Variants in DNAH14 observed in about 807,000 individuals in gnomAD.
DNAH14 encodes the protein axonemal beta dynein heavy chain 14.
In DNAH14, 478 loss-of-function variants were observed where a neutral mutation model predicts 520.9. The observed-to-expected ratio is 0.92, with a 90% CI of 0.85 to 0.99. The LOEUF is 0.99. DNAH14 is among the 50% of genes least tolerant of loss of function. The pLI, the probability that DNAH14 is intolerant of heterozygous loss-of-function variation, is 0.00. For missense variants in DNAH14, 4,831 were observed against 5,234.5 expected (o/e 0.92, Z 2.38); for synonymous variants, 1,581 against 1,757.2 (o/e 0.90, Z 2.51).
chr1:225,065,195 C>T (rs1023960984), intron 17 of DNAH14, among the ~76,000 whole-genome samples: 1 of 151,746 alleles, frequency 6.6e-6, no homozygotes, highest in Non-Finnish European at 1.5e-5. Context: ...AGGACATCTT[C>T]CAGGGTTTTT....
At chr1:225,292,531 G>C (rs2093916170) in intron 55 of DNAH14, among the ~76,000 whole-genome samples, 1 of 152,106 alleles carries the variant, frequency 6.6e-6, no homozygotes, top group African/African-American at 2.4e-5. Context: ...GTCTGGTAGT[G>C]TGATGCCTCC....
rs78737607 is a variant in DNAH14, at chr1:225,274,683, G to A, written c.8011-1231G>A. 1.7e-3 allele frequency among the ~76,000 whole-genome samples: 266 copies of A among 152,282 alleles called. 7 individuals carry two copies. The East Asian group carries it at 0.048, about 27-fold the overall frequency. The stretch of plus-strand genomic sequence containing the variant: ...ACCAGACTAAGAAATAGATATAGAG[G>A]CAGTAGAAAATGAGCAAGCAAATAC... On this transcript the variant is annotated intron_variant, in intron 52 of 85. Transcript: ENST00000682510.
At position 225,023,830 on chromosome 1, in the gene DNAH14, AT is replaced by A; in HGVS notation, c.1327del (p.Ser443GlnfsTer46). 1 of 1,535,436 alleles carries A rather than the reference AT, an allele frequency of 6.5e-7. No individual in the cohort carries two copies. ...ELFNGSAGMP[F>X]SVEKKNENLI... ...TATTTAATGGTTCTGCTGGAATGCC[AT>A]TTTCAGTGGAAAAAAAGAATGAAAA... On this transcript the variant is annotated frameshift_variant, in exon 11 of 86. Transcript: ENST00000682510. LOFTEE classifies it high-confidence loss of function.
intron 72 of DNAH14, among the ~76,000 whole-genome samples, chr1:225,353,088 G>A (rs2095389451): frequency 6.6e-6 from 1 of 151,720 alleles, no homozygotes; most frequent in Non-Finnish European, 1.5e-5. Flanking sequence ...CTTTTTTTAA[G>A]ATCAACACAT....
At chr1:225,359,792 C>T (rs1036897832) in intron 74 of DNAH14, among the ~76,000 whole-genome samples, 1 of 152,200 alleles carries the variant, frequency 6.6e-6, no homozygotes, top group Non-Finnish European at 1.5e-5. Flanking sequence ...AGGCACACAT[C>T]CTCCCTTTAA....
At chr1:225,212,929 A>C (rs1429477276) in intron 41 of DNAH14, among the ~76,000 whole-genome samples, 3 of 152,006 alleles carry the variant, frequency 2.0e-5, no homozygotes, top group Non-Finnish European at 4.4e-5. Flanking sequence ...CCCATTTGTC[A>C]ATTTTGGCTT....
At chr1:225,240,899 T>TGGGCGACAGAGCGAGACTCCGTCTCAA in intron 43 of DNAH14, 77 bp downstream of exon 43, 1 of 1,045,468 alleles carries the variant, frequency 9.6e-7, no homozygotes. Flanking sequence ...TTATAATGAT[T>TGGGCGACAGAGCGAGACTCCGTCTCAA]AGGTTCATCT....
At chr1:225,146,830 C>T (rs1039602038) in intron 30 of DNAH14, among the ~76,000 whole-genome samples, 5 of 152,194 alleles carry the variant, frequency 3.3e-5, no homozygotes, top group South Asian at 2.1e-4. Flanking sequence ...CTGTGCAATC[C>T]GTCAGAAGCT....
intron 21 of DNAH14, among the ~76,000 whole-genome samples, chr1:225,088,312 T>C (rs2074018943): frequency 6.6e-6 from 1 of 152,000 alleles, no homozygotes; most frequent in Non-Finnish European, 1.5e-5. Flanking sequence ...AAAAGTTAAG[T>C]AGAGAGGTAA....
rs576120956 is a variant in DNAH14 at position 225,278,011 on chromosome 1, T to A, written c.8271+509T>A. On this transcript the variant is annotated intron_variant, in intron 54 of 85. Coordinates refer to ENST00000682510, the MANE Select transcript of DNAH14 (RefSeq NM_001367479.1). ...TATTATTTATGACTAGTTGTTTATT[T>A]TATACTTTATTTATAACTGTTTGGT... Among the ~76,000 whole-genome samples, 5 of 152,232 alleles carry A rather than the reference T, an allele frequency of 3.3e-5. No individual in the cohort carries two copies. The South Asian group carries it at 8.3e-4, about 25-fold the overall frequency.
chr1:225,292,155 T>C, intron 55 of DNAH14, among the ~76,000 whole-genome samples: 1 of 152,324 alleles, frequency 6.6e-6, no homozygotes, highest in Non-Finnish European at 1.5e-5. Context: ...TTTTGAGGTC[T>C]TATTTATAAA....
At chr1:225,260,614 T>TC (rs2092902926) in intron 46 of DNAH14, among the ~76,000 whole-genome samples, 9 of 152,044 alleles carry the variant, frequency 5.9e-5, no homozygotes, top group Admixed American at 3.3e-4. Flanking sequence ...GCTTTTTTTT[T>TC]TCCCCCCCTC....
intron 44 of DNAH14, among the ~76,000 whole-genome samples, chr1:225,255,182 G>A (rs2092692980): frequency 6.6e-6 from 1 of 152,132 alleles, no homozygotes. Flanking sequence ...AGAGTTGTGT[G>A]TTTTATTTTG....
At chr1:225,218,620 A>C (rs1364646932) in intron 41 of DNAH14, among the ~76,000 whole-genome samples, 2 of 152,234 alleles carry the variant, frequency 1.3e-5, no homozygotes, top group Non-Finnish European at 2.9e-5. Flanking sequence ...AACAATCCTA[A>C]ATATGTATGC....
intron 5 of DNAH14, among the ~76,000 whole-genome samples, chr1:224,965,672 A>C (rs1156634938): frequency 6.6e-6 from 1 of 152,162 alleles, no homozygotes; most frequent in South Asian, 2.1e-4. Flanking sequence ...TAATCAAATC[A>C]GATTCACCTG....
At chr1:225,262,297 G>C (rs929030415) in intron 46 of DNAH14, among the ~76,000 whole-genome samples, 2 of 151,856 alleles carry the variant, frequency 1.3e-5, no homozygotes, top group African/African-American at 4.8e-5. Context: ...TAGGTTGTCT[G>C]TGTACTCTGT....
chr1:225,345,125 C>T (rs2095266920), intron 69 of DNAH14, among the ~76,000 whole-genome samples: 1 of 152,084 alleles, frequency 6.6e-6, no homozygotes, highest in African/African-American at 2.4e-5. Context: ...GACTTAGGTC[C>T]AGACATTACT....
In DNAH14 at chr1:225,273,014, T is replaced by C; in HGVS notation, c.7899T>C (p.Ala2633=). 1.3e-6 allele frequency: 2 copies of C among 1,551,664 alleles called. No homozygotes were observed. The highest frequency in any genetic ancestry group is 1.7e-6 in the Non-Finnish European group (2 of 1,146,966). ...RTVVNSKEMA[A]LLFVHEATRV... ...TTGTTAACTCCAAAGAGATGGCTGC[T>C]CTGCTCTTTGTTCATGAAGCCACCC... Residue 2633 remains alanine (A), a synonymous_variant, in exon 52 of 86, where the codon GCT becomes GCC. Transcript: ENST00000682510.
chr1:225,356,598 A>G (rs1159781960), intron 73 of DNAH14, among the ~76,000 whole-genome samples: 1 of 152,200 alleles, frequency 6.6e-6, no homozygotes, highest in African/African-American at 2.4e-5. Flanking sequence ...AAAATACTGA[A>G]TAATCTGTAT....
Sources: allele counts gnomAD v4.1 joint callset (sites outside exome capture counted in the v4.1 genomes callset), GRCh38; gene constraint gnomAD v4.1.1; transcripts MANE v1.5; gene names NCBI Gene and HGNC (gene_info 2026-07-23, HGNC 2026-07-21).